FAT3: variants seen among roughly 807,000 people sequenced by gnomAD.
FAT3 encodes the protein FAT atypical cadherin 3.
A neutral mutation model predicts 310.2 loss-of-function variants in FAT3; 95 were observed. The ratio of observed to expected loss-of-function variants is 0.31; its 90% CI spans 0.26 to 0.36. The LOEUF is 0.36. Ranked by LOEUF, FAT3 falls within the 10% of genes least tolerant of loss-of-function variation. The pLI is 1.00. For synonymous variants in FAT3, 2,314 were observed against 2,192.9 expected, an observed-to-expected ratio of 1.06 and a Z score of -1.54; for missense variants, 5,408 against 5,715.6, an observed-to-expected ratio of 0.95 and a Z score of 1.74.
intron 2 of FAT3, among the ~76,000 whole-genome samples, chr11:92,473,075 G>A (rs1951952042): frequency 6.6e-6 from 1 of 152,122 alleles, no homozygotes; most frequent in African/African-American, 2.4e-5. Context: ...TCTCCACTGA[G>A]CTGCAGCCTC....
At chr11:92,344,326 C>T (rs959972906) in intron 1 of FAT3, among the ~76,000 whole-genome samples, 10 of 152,318 alleles carry the variant, frequency 6.6e-5, no homozygotes, top group East Asian at 3.9e-4. Flanking sequence ...GTTCCTCCAA[C>T]GTCCTGCTGG....
chr11:92,685,451 C>T (rs75507576), intron 3 of FAT3, among the ~76,000 whole-genome samples: 1 of 151,066 alleles, frequency 6.6e-6, no homozygotes, highest in East Asian at 2.0e-4. Context: ...AAAGTCTTTA[C>T]AAGCCATAAT....
At chr11:92,287,850 G>C (rs958518122) in intron 1 of FAT3, among the ~76,000 whole-genome samples, 2 of 152,104 alleles carry the variant, frequency 1.3e-5, no homozygotes, top group East Asian at 3.9e-4. Flanking sequence ...GTGCTGCTGT[G>C]AAATGATCAC....
intron 1 of FAT3, among the ~76,000 whole-genome samples, chr11:92,287,895 T>C (rs1166771474): frequency 6.6e-6 from 1 of 152,064 alleles, no homozygotes; most frequent in Non-Finnish European, 1.5e-5. Context: ...GAAGCCACAT[T>C]TGTTAAAGTG....
intron 1 of FAT3, among the ~76,000 whole-genome samples, chr11:92,348,147 T>C (rs901656420): frequency 1.3e-5 from 2 of 152,170 alleles, no homozygotes; most frequent in South Asian, 2.1e-4. Context: ...TTTTTTTTTT[T>C]CCTTTGCCAC....
chr11:92,335,873 C>CA (rs2134557596), intron 1 of FAT3, among the ~76,000 whole-genome samples: 1 of 152,200 alleles, frequency 6.6e-6, no homozygotes, highest in Admixed American at 6.5e-5. Flanking sequence ...ATCCCAAAAT[C>CA]AAACAGACAC....
Position 92,867,002 on chromosome 11 carries a change from C to T in FAT3, c.11920C>T (p.Arg3974Trp), listed in dbSNP as rs1204882460. 1.9e-6 allele frequency: 3 copies of T among 1,604,660 alleles called. No homozygotes were observed. The highest frequency in any genetic ancestry group is 2.6e-6 in the Non-Finnish European group (3 of 1,175,682). Residue 3974 changes from arginine (R) to tryptophan (W), a missense_variant, in exon 22 of 28, where the codon CGG becomes TGG. Arg to Trp is a moderately radical substitution (Grantham distance 101). Coordinates refer to ENST00000525166, the MANE Select transcript of FAT3 (RefSeq NM_001367949.2). The stretch of plus-strand genomic sequence containing the variant: ...TAACATCCGCAGCCTGACTGACACG[C>T]GGGTCACGCAGGTGCTCAGCGGCTT... ...ADNIRSLTDT[R>W]VTQVLSGFQG...
At chr11:92,703,753 G>A (rs186056656) in intron 4 of FAT3, among the ~76,000 whole-genome samples, 1 of 152,328 alleles carries the variant, frequency 6.6e-6, no homozygotes, top group African/African-American at 2.4e-5. Flanking sequence ...CTGGCATTGG[G>A]CCAAGTACTA....
chr11:92,842,079 A>C (rs1203122160), intron 18 of FAT3, among the ~76,000 whole-genome samples: 1 of 152,178 alleles, frequency 6.6e-6, no homozygotes, highest in Non-Finnish European at 1.5e-5. Context: ...ATGCTCCGTG[A>C]CTGCTTCCTT....
chr11:92,749,292 G>GCACA (rs377304020), intron 4 of FAT3, among the ~76,000 whole-genome samples: 1 of 151,020 alleles, frequency 6.6e-6, no homozygotes, highest in Non-Finnish European at 1.5e-5. Context: ...ACACAAATAG[G>GCACA]CACACACACA....
At chr11:92,870,979 A>AGTC (rs1949373327) in intron 22 of FAT3, among the ~76,000 whole-genome samples, 2 of 152,154 alleles carry the variant, frequency 1.3e-5, no homozygotes, top group African/African-American at 4.8e-5. Flanking sequence ...AGAGGGGCTA[A>AGTC]GTCGGTAGCC....
chr11:92,353,390 G>A lies in FAT3; in HGVS notation c.1278G>A (p.Ser426=), dbSNP rs142726710. 4.6e-5 allele frequency: 74 copies of A among 1,613,314 alleles called. No individual in the cohort carries two copies. In the African/African-American group the frequency reaches 5.7e-4, roughly 12 times the overall value. The change falls in exon 2 of 28, where the codon TCG becomes TCA. Residue 426 remains serine (S), a synonymous_variant. Coordinates refer to ENST00000525166, the MANE Select transcript of FAT3 (RefSeq NM_001367949.2). ...DAVYFKINPR[S]GLIVTARPLN... Reference sequence around the variant, plus strand: ...TGTACTTTAAAATTAATCCTCGGTCGGGTCTGATTGTTACAGCACGGCCAC... The same window carrying A: ...TGTACTTTAAAATTAATCCTCGGTCAGGTCTGATTGTTACAGCACGGCCAC...
At chr11:92,578,918 C>A (rs1591478564) in intron 3 of FAT3, among the ~76,000 whole-genome samples, 1 of 152,044 alleles carries the variant, frequency 6.6e-6, no homozygotes. Context: ...GTGGCTTTGA[C>A]AGACGTGTTG....
chr11:92,593,063 G>T (rs1390117661), intron 3 of FAT3, among the ~76,000 whole-genome samples: 1 of 152,040 alleles, frequency 6.6e-6, no homozygotes, highest in Admixed American at 6.6e-5. Context: ...TACAGCATTT[G>T]TCTTTTTGTA....
Position 92,784,619 on chromosome 11 carries a change from A to G in FAT3, c.4336-5324A>G, listed in dbSNP as rs139187676. On this transcript the variant is annotated intron_variant, in intron 7 of 27. Coordinates refer to ENST00000525166, the MANE Select transcript of FAT3 (RefSeq NM_001367949.2). ...TTTCCTCCTGCTTTGATTTCATTGT[A>G]CTTCTTTAGGCATTTCAATTACCAT... Among the ~76,000 whole-genome samples, 519 of 152,192 alleles carry G rather than the reference A, an allele frequency of 3.4e-3. 4 individuals are homozygous for G. The highest frequency in any genetic ancestry group is 6.0e-3 in the Non-Finnish European group (411 of 68,010).
intron 3 of FAT3, among the ~76,000 whole-genome samples, chr11:92,600,919 C>A (rs879923803): frequency 3.2e-4 from 49 of 151,978 alleles, no homozygotes; most frequent in African/African-American, 1.1e-3. Flanking sequence ...GGATCTAGCT[C>A]TGGGAAGAAT....
At position 92,801,271 on chromosome 11, in the gene FAT3, G is replaced by T; in HGVS notation, c.8258G>T (p.Gly2753Val). 1 of 1,613,870 alleles carries T rather than the reference G, an allele frequency of 6.2e-7. No homozygotes were observed. The change falls in exon 10 of 28, where the codon GGG (glycine) becomes GTG (valine). Residue 2753 changes from glycine (G) to valine (V), a missense_variant. This residue lies in a region of FAT3 where 4,588 missense variants were observed against 4,809.8 expected (regional missense o/e 0.95). Transcript: ENST00000525166. ...GGGGAACGGCCAGAAAATAACAAAG[G>T]GGGCATATTCGTCATAGAACAGGAA... Reference protein sequence around the residue: ...VNGERPENNKGGIFVIEQETG... With the variant: ...VNGERPENNKVGIFVIEQETG...
chr11:92,553,727 C>T (rs530473538), intron 3 of FAT3, among the ~76,000 whole-genome samples: 8 of 74,776 alleles, frequency 1.1e-4, no homozygotes, highest in Admixed American at 3.6e-4. Flanking sequence ...CTTCCTTTTT[C>T]GTTGTTTCTT....
At chr11:92,382,757 G>A (rs7127751) in intron 2 of FAT3, among the ~76,000 whole-genome samples, 51,684 of 152,162 alleles carry the variant, frequency 0.34, 11,803 homozygotes, top group African/African-American at 0.66. Context: ...AGTTCAATCT[G>A]TCTTAAAGAG....
Sources: gnomAD v4.1 joint callset for allele counts (sites outside exome capture counted in the v4.1 genomes callset) on GRCh38, gnomAD v4.1.1 for gene constraint, gnomAD v4.1.1 regional missense constraint, MANE v1.5 for transcripts, NCBI Gene and HGNC (gene_info 2026-07-23, HGNC 2026-07-21) for gene names.